The following TTF1 variants were observed in gnomAD, a reference collection of about 807,000 sequenced individuals.
The protein encoded by TTF1 is transcription termination factor 1.
TTF1 carries 64 observed loss-of-function variants against 80.2 expected under a neutral mutation model. The ratio of observed to expected loss-of-function variants is 0.80; its 90% CI spans 0.65 to 0.98. The LOEUF (loss-of-function observed/expected upper bound fraction) is 0.98. TTF1 is among the 50% of genes least tolerant of loss of function. TTF1 has a pLI of 0.00. For synonymous variants in TTF1, 372 were observed against 382.7 expected, an observed-to-expected ratio of 0.97 and a Z score of 0.33; for missense variants, 1,023 against 1,086.2, an observed-to-expected ratio of 0.94 and a Z score of 0.82.
chr9:132,376,937 A>C (rs538168419), intron 10 of TTF1, among the ~76,000 whole-genome samples: 1 of 151,972 alleles, frequency 6.6e-6, no homozygotes, highest in African/African-American at 2.4e-5. Flanking sequence ...CGTCTTACAA[A>C]GTGTTGGGAT....
chr9:132,402,578 T>G lies in TTF1; in HGVS notation c.244A>C (p.Thr82Pro). 1 of 1,614,210 alleles carries G rather than the reference T, an allele frequency of 6.2e-7. No individual in the cohort carries two copies. The change falls in exon 2 of 11, where the codon ACA (threonine) becomes CCA (proline). Residue 82 changes from threonine (T) to proline (P), a missense_variant. Physicochemically the swap from Thr to Pro is conservative, Grantham distance 38. Transcript: ENST00000334270. ...CTTCTCTTTTTTCTCTTTTTGAGTG[T>G]GGAAGTGGCATTTGCAGTCTCATCA... ...ICDETANATS[T>P]LKKRKKRRYS...
chr9:132,397,647 A>C (rs1849675770), intron 4 of TTF1, among the ~76,000 whole-genome samples: 2 of 151,102 alleles, frequency 1.3e-5, no homozygotes, highest in South Asian at 4.1e-4. Context: ...TAAACTTGGG[A>C]GACATGAACA....
Position 132,378,178 on chromosome 9 carries a change from A to G in TTF1, c.2464+881T>C, listed in dbSNP as rs868768318. ...GTGTGAGTGCATGTGGTGTGTGTGA[A>G]TGCATGTGGTGTGAGTGCATGTGCG... On this transcript the variant is annotated intron_variant, in intron 10 of 10. Transcript: ENST00000334270. Among the ~76,000 whole-genome samples the G allele has an allele frequency of 8.3e-3, 692 of 83,792 alleles. 4 individuals are homozygous for G. The highest frequency in any genetic ancestry group is 0.017 in the South Asian group (43 of 2,468). The allele number at this position is 83,792 out of a possible 152,430, so 55.0% of individuals were successfully genotyped here. A position where few individuals can be genotyped will look rare whatever the true frequency, so the allele number is the denominator to read the frequency against.
rs185176153 is a variant in TTF1, at chr9:132,384,210, A to G, written c.2378+2346T>C. ...TGTATCTGTCTAAAATTTTCCTAAT[A>G]AAGTTTCTGAAAAAAATAATTGGGC... On this transcript the variant is annotated intron_variant, in intron 9 of 10. Transcript: ENST00000334270. The surrounding 1 kb of genome is among the most constrained non-coding windows in gnomAD (Gnocchi z 4.1). 2.6e-5 allele frequency among the ~76,000 whole-genome samples: 4 copies of G among 152,302 alleles called. No homozygotes were observed. Among genetic ancestry groups the G allele is most frequent in the African/African-American group, 9.6e-5 (4 of 41,562 alleles).
At position 132,392,066 on chromosome 9, in the gene TTF1, T is replaced by C; in HGVS notation, c.1987+10A>G. 1.2e-6 allele frequency: 2 copies of C among 1,613,688 alleles called. No homozygotes were observed. The highest frequency in any genetic ancestry group is 8.5e-7 in the Non-Finnish European group (1 of 1,180,000). On this transcript the variant is annotated intron_variant, in intron 6 of 10. Coordinates refer to ENST00000334270, the MANE Select transcript of TTF1 (RefSeq NM_007344.4). ...CTTCAGCGAGGTGGGCACTGGGGGC[T>C]GCCACTTACGACTGCTGATCTGTGA...
intron 9 of TTF1, among the ~76,000 whole-genome samples, chr9:132,383,089 A>T (rs485915): frequency 0.74 from 110,557 of 150,170 alleles, 41,672 homozygotes; most frequent in South Asian, 0.83. Context: ...TTAACTAATT[A>T]AAAAAAAAAC....
intron 10 of TTF1, among the ~76,000 whole-genome samples, chr9:132,377,417 AGTGCATGCATGTGGTGTGAGTGC>A (rs1849220179): frequency 2.0e-5 from 1 of 51,106 alleles, no homozygotes; most frequent in Non-Finnish European, 3.5e-5. Flanking sequence ...GGTGTGTGTG[AGTGCATGCATGTGGTGTGAGTGC>A]ATGCATGTGG....
At chr9:132,388,458 T>G (rs1352121857) in intron 7 of TTF1, among the ~76,000 whole-genome samples, 3 of 151,988 alleles carry the variant, frequency 2.0e-5, no homozygotes, top group African/African-American at 7.3e-5. Flanking sequence ...TGCCTCAGCC[T>G]CCCGAGTAGC....
chr9:132,402,980 C>A (rs529049514), intron 1 of TTF1, among the ~76,000 whole-genome samples, 152 bp from the exon 2 acceptor site: 1 of 152,182 alleles, frequency 6.6e-6, no homozygotes, highest in East Asian at 1.9e-4. Flanking sequence ...CTCAGCCTCC[C>A]GAATAGCTGG....
intron 5 of TTF1, among the ~76,000 whole-genome samples, chr9:132,394,225 A>G (rs542884277): frequency 1.3e-4 from 20 of 151,794 alleles, no homozygotes; most frequent in African/African-American, 4.8e-4. Flanking sequence ...ACATCGGAGC[A>G]TTTTCAGACA....
Position 132,402,698 on chromosome 9 carries a change from G to C in TTF1, c.124C>G (p.Leu42Val), listed in dbSNP as rs771821007. 2.5e-6 allele frequency: 4 copies of C among 1,613,960 alleles called. No homozygotes were observed. In the African/African-American group the frequency reaches 5.3e-5, roughly 22 times the overall value. Residue 42 changes from leucine (L) to valine (V), a missense_variant, in exon 2 of 11, where the codon CTG becomes GTG. Physicochemically the swap from Leu to Val is conservative, Grantham distance 32. Coordinates refer to ENST00000334270, the MANE Select transcript of TTF1 (RefSeq NM_007344.4). Reference protein sequence around the residue: ...HSHEIFRDSSLVNEQSQITRR... With the variant: ...HSHEIFRDSSVVNEQSQITRR... Reference sequence around the variant, plus strand: ...GTTATTTGAGACTGTTCATTCACCAGGGAGGAGTCTCTGAAAATTTCGTGG... The same window carrying C: ...GTTATTTGAGACTGTTCATTCACCACGGAGGAGTCTCTGAAAATTTCGTGG...
At position 132,398,226 on chromosome 9, in the gene TTF1, G is replaced by C. The variant is rs772097261; in HGVS notation, c.1692C>G (p.Asp564Glu). The C allele has an allele frequency of 6.2e-7, 1 of 1,606,564 alleles. No homozygotes were observed. Among genetic ancestry groups the C allele is most frequent in the South Asian group, 1.1e-5 (1 of 89,788 alleles). Residue 564 changes from aspartate (D) to glutamate (E), a missense_variant, in exon 4 of 11, where the codon GAC (aspartate) becomes GAG (glutamate). Coordinates refer to ENST00000334270, the MANE Select transcript of TTF1 (RefSeq NM_007344.4). ...FLALTGIESA[D>E]KLLYTDRYPE... Reference sequence around the variant, plus strand: ...GATATCTGTCCGTGTACAGCAGCTTGTCTGCACTCTCAATGCCTGTCAGGG... The same window carrying C: ...GATATCTGTCCGTGTACAGCAGCTTCTCTGCACTCTCAATGCCTGTCAGGG...
At position 132,390,853 on chromosome 9, in the gene TTF1, C is replaced by T. The variant is rs781065116; in HGVS notation, c.1988-22G>A. The T allele has an allele frequency of 4.4e-6, 7 of 1,594,056 alleles. No homozygotes were observed. In the South Asian group the frequency reaches 6.8e-5, roughly 15 times the overall value. On this transcript the variant is annotated intron_variant, in intron 6 of 10. Coordinates refer to ENST00000334270, the MANE Select transcript of TTF1 (RefSeq NM_007344.4). ...CTTTCTGTAGATATAAAAAGATGGT[C>T]TTATAGTAGCTAGTCTATTTGCTTT...
At chr9:132,377,469 G>C (rs1171858821) in intron 10 of TTF1, among the ~76,000 whole-genome samples, 2 of 66,134 alleles carry the variant, frequency 3.0e-5, no homozygotes, top group Non-Finnish European at 6.5e-5. Flanking sequence ...AGTGCATGTG[G>C]TGTGTGTGAA....
At chr9:132,397,789 A>T (rs1200415381) in intron 4 of TTF1, among the ~76,000 whole-genome samples, 1 of 152,090 alleles carries the variant, frequency 6.6e-6, no homozygotes, top group Non-Finnish European at 1.5e-5. Context: ...GTTCGAGACC[A>T]TCCTGGCTAA....
At chr9:132,378,539 A>T (rs1350343583) in intron 10 of TTF1, among the ~76,000 whole-genome samples, 2 of 82,536 alleles carry the variant, frequency 2.4e-5, no homozygotes, top group Admixed American at 1.4e-4. Context: ...ATGTGGTGTG[A>T]GTGCATGTGG....
rs532242223 is a variant in TTF1, at chr9:132,395,146, T to G, written c.1856+1287A>C. On this transcript the variant is annotated intron_variant, in intron 5 of 10. Coordinates refer to ENST00000334270, the MANE Select transcript of TTF1 (RefSeq NM_007344.4). Reference sequence around the variant, plus strand: ...GGCGGAGGTTGCAGTGAGCCAAGATTGCGCCATTGCACTCCAGCCTGGGCG... The same window carrying G: ...GGCGGAGGTTGCAGTGAGCCAAGATGGCGCCATTGCACTCCAGCCTGGGCG... 2.0e-4 allele frequency among the ~76,000 whole-genome samples: 31 copies of G among 151,872 alleles called. 1 individual carries two copies. In the South Asian group the frequency reaches 6.3e-3, roughly 31 times the overall value.
chr9:132,378,085 G>T (rs1849267231), intron 10 of TTF1, among the ~76,000 whole-genome samples: 3 of 132,962 alleles, frequency 2.3e-5, no homozygotes, highest in African/African-American at 5.8e-5. Flanking sequence ...GTGTGTGAGT[G>T]CATGTGGTGT....
intron 1 of TTF1, among the ~76,000 whole-genome samples, chr9:132,404,121 G>A (rs952564742): frequency 4.6e-5 from 7 of 151,414 alleles, no homozygotes; most frequent in South Asian, 2.1e-4. Context: ...CATTTACGTC[G>A]TACAAAAATA....
Sources: allele counts gnomAD v4.1 joint callset (sites outside exome capture counted in the v4.1 genomes callset), GRCh38; gene constraint gnomAD v4.1.1; non-coding constraint Gnocchi (gnomAD v3.1); transcripts MANE v1.5; gene names NCBI Gene and HGNC (gene_info 2026-07-23, HGNC 2026-07-21).